TTC27: variants seen among roughly 807,000 people sequenced by gnomAD.
TTC27 encodes tetratricopeptide repeat protein 27.
TTC27 carries 79 observed loss-of-function variants against 115.9 expected under a neutral mutation model. The ratio of observed to expected loss-of-function variants is 0.68; its 90% confidence interval spans 0.57 to 0.82. The LOEUF is 0.82. TTC27 is among the 40% of genes least tolerant of loss of function. The probability of loss-of-function intolerance (pLI) is 0.00; values close to 1 mark genes in which losing one functional copy is unlikely to be tolerated. For missense variants in TTC27, 1,054 were observed against 993.1 expected (o/e 1.06, Z -0.82); for synonymous variants, 401 against 356.0 (o/e 1.13, Z -1.42).
chr2:32,801,897 G>T (rs1670954391), intron 16 of TTC27, among the ~76,000 whole-genome samples: 2 of 152,246 alleles, frequency 1.3e-5, no homozygotes, highest in South Asian at 4.1e-4. Context: ...CTTTTCAAAA[G>T]AGACAAAAAC....
At chr2:32,797,051 G>A (rs1002707334) in intron 16 of TTC27, among the ~76,000 whole-genome samples, 2 of 151,492 alleles carry the variant, frequency 1.3e-5, no homozygotes, top group Non-Finnish European at 2.9e-5. Context: ...GTGCACGCCT[G>A]TAGTCCCAGC....
intron 4 of TTC27, among the ~76,000 whole-genome samples, chr2:32,641,430 C>A (rs970826484): frequency 2.0e-5 from 3 of 152,216 alleles, no homozygotes; most frequent in African/African-American, 4.8e-5. Flanking sequence ...CTATACTTCT[C>A]ACATTCACAA....
intron 2 of TTC27, among the ~76,000 whole-genome samples, chr2:32,630,979 A>G (rs1298166028): frequency 1.3e-5 from 2 of 152,184 alleles, no homozygotes; most frequent in African/African-American, 2.4e-5. Context: ...CCCACCGGCA[A>G]AACTTCAGAC....
intron 4 of TTC27, among the ~76,000 whole-genome samples, chr2:32,640,672 C>G (rs1450534284): frequency 6.6e-6 from 1 of 151,790 alleles, no homozygotes; most frequent in Non-Finnish European, 1.5e-5. Flanking sequence ...TTGCAGAAAT[C>G]TTAAATATCG....
intron 9 of TTC27, among the ~76,000 whole-genome samples, chr2:32,699,135 C>T (rs17012106): frequency 0.07 from 10,676 of 152,214 alleles, 724 homozygotes; most frequent in African/African-American, 0.18. Flanking sequence ...TGCAGTGCAC[C>T]CAACAGTATG....
At chr2:32,798,719 T>TAATAAC (rs1670813631) in intron 16 of TTC27, among the ~76,000 whole-genome samples, 1 of 131,826 alleles carries the variant, frequency 7.6e-6, no homozygotes, top group Non-Finnish European at 1.6e-5. Context: ...AAAAAAATAA[T>TAATAAC]AATAATAATA....
chr2:32,801,319 G>A lies in TTC27; in HGVS notation c.1999-9705G>A, dbSNP rs900290363. 2.0e-5 allele frequency among the ~76,000 whole-genome samples: 3 copies of A among 152,114 alleles called. 1 individual carries two copies. In the South Asian group the frequency reaches 6.2e-4, roughly 32 times the overall value. ...AAGTTCGAAATCAAGGTGTTGACTT[G>A]GCCATGTTCCTCTGCAGATGCTAGG... On this transcript the variant is annotated intron_variant, in intron 16 of 19. Coordinates refer to ENST00000317907, the MANE Select transcript of TTC27 (RefSeq NM_017735.5).
In TTC27 at chr2:32,815,462, C is replaced by T. The variant is rs184526445; in HGVS notation, c.2309-1995C>T. ...CCGTGTTAGCCAGAATGGTCTCAAT[C>T]TCCTTACCTTGTGATCCGCCCGCCT... is the stretch of plus-strand genomic sequence containing the variant. On this transcript the variant is annotated intron_variant, in intron 18 of 19. Coordinates refer to ENST00000317907, the MANE Select transcript of TTC27 (RefSeq NM_017735.5). Among the ~76,000 whole-genome samples, 1,422 of 151,968 alleles carry T rather than the reference C, an allele frequency of 9.4e-3. 15 individuals are homozygous for T. Among genetic ancestry groups the T allele is most frequent in the South Asian group, 0.025 (122 of 4,802 alleles).
At chr2:32,756,125 A>T (rs1325726182) in intron 12 of TTC27, among the ~76,000 whole-genome samples, 2 of 152,238 alleles carry the variant, frequency 1.3e-5, no homozygotes, top group Non-Finnish European at 2.9e-5. Flanking sequence ...CCCAATTACT[A>T]TAATGGTCAT....
chr2:32,816,387 C>A (rs965761342), intron 18 of TTC27, among the ~76,000 whole-genome samples: 4 of 151,854 alleles, frequency 2.6e-5, no homozygotes, highest in Non-Finnish European at 5.9e-5. Flanking sequence ...TTAATCCTTG[C>A]GCTGTTTAGT....
At chr2:32,695,494 GCAGAT>G (rs1474022471) in intron 9 of TTC27, among the ~76,000 whole-genome samples, 8 of 151,942 alleles carry the variant, frequency 5.3e-5, no homozygotes, top group Non-Finnish European at 1.0e-4. Context: ...ACCGAGGCGG[GCAGAT>G]CACGAGGTCA....
At chr2:32,806,707 A>ACGG in intron 16 of TTC27, among the ~76,000 whole-genome samples, 3 of 151,986 alleles carry the variant, frequency 2.0e-5, no homozygotes, top group African/African-American at 7.3e-5. Flanking sequence ...GCTTGAACCA[A>ACGG]GAGGCAGAGG....
chr2:32,708,472 C>A (rs1667462891), intron 10 of TTC27, among the ~76,000 whole-genome samples: 2 of 151,418 alleles, frequency 1.3e-5, no homozygotes, highest in Non-Finnish European at 2.9e-5. Context: ...CCACCACAAC[C>A]AGCTAATTTT....
intron 4 of TTC27, 85 bp from the exon 5 acceptor site, chr2:32,650,045 TA>T (rs947244889): frequency 3.2e-5 from 36 of 1,135,106 alleles, no homozygotes; most frequent in Middle Eastern, 2.0e-4. Flanking sequence ...TTTATGAATG[TA>T]AAAAAATTCT....
At chr2:32,678,294 A>G (rs1003601505) in intron 8 of TTC27, among the ~76,000 whole-genome samples, 2 of 151,088 alleles carry the variant, frequency 1.3e-5, no homozygotes, top group Admixed American at 1.3e-4. Context: ...GTTGACATTT[A>G]GTACACCAAT....
intron 10 of TTC27, among the ~76,000 whole-genome samples, chr2:32,716,502 C>T (rs1303973790): frequency 6.6e-6 from 1 of 152,046 alleles, no homozygotes; most frequent in Non-Finnish European, 1.5e-5. Context: ...TTAAATATTA[C>T]ATTTCTTTAA....
At chr2:32,661,072 T>C (rs972856951) in intron 5 of TTC27, among the ~76,000 whole-genome samples, 1 of 152,188 alleles carries the variant, frequency 6.6e-6, no homozygotes, top group Non-Finnish European at 1.5e-5. Context: ...AAAGATCAAA[T>C]GATTGTAGAT....
chr2:32,788,231 T>C (rs2148023047), intron 16 of TTC27, among the ~76,000 whole-genome samples: 1 of 150,772 alleles, frequency 6.6e-6, no homozygotes, highest in Non-Finnish European at 1.5e-5. Flanking sequence ...TTTTCTTTCA[T>C]ATTAAAAAAA....
intron 12 of TTC27, 94 bp downstream of exon 12, chr2:32,736,910 A>G (rs1426683377): frequency 1.4e-6 from 2 of 1,406,658 alleles, no homozygotes; most frequent in Admixed American, 3.0e-5. Flanking sequence ...TTTTGCCAAT[A>G]TTCACTTATA....
Sources: allele counts gnomAD v4.1 joint callset (sites outside exome capture counted in the v4.1 genomes callset), GRCh38; gene constraint gnomAD v4.1.1; transcripts MANE v1.5; gene names NCBI Gene and HGNC (gene_info 2026-07-23, HGNC 2026-07-21).